The following ZNF66 variants were observed in gnomAD, a reference collection of about 807,000 sequenced individuals.
ZNF66 encodes putative zinc finger protein 66.
Under a neutral mutation model 35.2 loss-of-function variants are expected in ZNF66, and 32 were observed. The observed-to-expected ratio is 0.91, with a 90% CI of 0.69 to 1.22. The LOEUF (loss-of-function observed/expected upper bound fraction) is 1.22, where lower values mean the gene tolerates loss of function less well. ZNF66 is among the 50% of genes most tolerant of loss of function. The pLI, the probability that ZNF66 is intolerant of heterozygous loss-of-function variation, is 0.00. For synonymous variants in ZNF66, 231 were observed against 181.3 expected, an observed-to-expected ratio of 1.27 and a Z score of -2.20; for missense variants, 666 against 543.1, an observed-to-expected ratio of 1.23 and a Z score of -2.25.
chr19:20,779,667 A>G (rs2358604), intron 1 of ZNF66, among the ~76,000 whole-genome samples: 19,919 of 151,674 alleles, frequency 0.13, 1,544 homozygotes, highest in African/African-American at 0.2. Flanking sequence ...TGTCTCTACT[A>G]AAAATACAAA....
At chr19:20,781,380 C>G (rs1971243616) in intron 1 of ZNF66, among the ~76,000 whole-genome samples, 1 of 152,280 alleles carries the variant, frequency 6.6e-6, no homozygotes. Context: ...CCTCTGAGTT[C>G]TCCCACCCTC....
rs777875405 is a variant in ZNF66, at chr19:20,806,837, T to A, written c.1237T>A (p.Ser413Thr). 5.6e-5 allele frequency: 72 copies of A among 1,276,046 alleles called. No homozygotes were observed. The highest frequency in any genetic ancestry group is 1.2e-5 in the Non-Finnish European group (11 of 893,092). The allele number at this position is 1,276,046 out of a possible 1,614,324, so 79.0% of individuals were successfully genotyped here. A position where few individuals can be genotyped will look rare whatever the true frequency, so the allele number is the denominator to read the frequency against. ...GKVFKHSSPLSKHKRIHTGEK... is the reference protein window; with the variant it reads ...GKVFKHSSPLTKHKRIHTGEK... ...AGTGTTTAAGCACTCCTCTCCCCTT[T>A]CTAAACATAAGAGAATTCATACTGG... is the stretch of plus-strand genomic sequence containing the variant. Residue 413 changes from serine to threonine, a missense_variant, in exon 4 of 4, where the codon TCT (serine) becomes ACT (threonine). Ser to Thr is a moderately conservative substitution (Grantham distance 58). Transcript: ENST00000344519.
intron 1 of ZNF66, among the ~76,000 whole-genome samples, chr19:20,791,924 GTTCTTTT>G (rs1426150695): frequency 8.6e-5 from 13 of 151,940 alleles, no homozygotes; most frequent in African/African-American, 2.7e-4. Context: ...TCTGGCAGCT[GTTCTTTT>G]TTCTTTTTTT....
intron 1 of ZNF66, 111 bp from the exon 2 acceptor site, chr19:20,792,397 TAGTC>T: frequency 1.1e-6 from 1 of 918,954 alleles, no homozygotes. Context: ...AGGATAACTT[TAGTC>T]AGTCCTATAA....
At chr19:20,786,531 A>G (rs1971288649) in intron 1 of ZNF66, among the ~76,000 whole-genome samples, 1 of 152,204 alleles carries the variant, frequency 6.6e-6, no homozygotes, top group Admixed American at 6.5e-5. Flanking sequence ...CCAGCCATTC[A>G]GGCCATAAAT....
intron 3 of ZNF66, chr19:20,794,191 T>G (rs1408470173): frequency 5.5e-6 from 2 of 365,832 alleles, no homozygotes; most frequent in Non-Finnish European, 1.0e-5. Context: ...TTTTTCATTG[T>G]TTTGGGGACA....
intron 3 of ZNF66, among the ~76,000 whole-genome samples, chr19:20,805,130 A>T (rs568653500): frequency 0.042 from 5,483 of 130,534 alleles, 307 homozygotes; most frequent in African/African-American, 0.15. Context: ...TGTGTGTGAG[A>T]GAGAGAGAGA....
chr19:20,809,587 A>G lies in ZNF66; in HGVS notation c.*2265A>G, dbSNP rs1971567725. On this transcript the variant is annotated 3_prime_UTR_variant, in exon 4 of 4. Transcript: ENST00000344519. Reference sequence around the variant, plus strand: ...TTCATATCCAGCCAAACTAAGCTTCATAAGTGAAGGAGAAATAAAATACTT... The same window carrying G: ...TTCATATCCAGCCAAACTAAGCTTCGTAAGTGAAGGAGAAATAAAATACTT... Among the ~76,000 whole-genome samples, 1 of 151,974 alleles carries G rather than the reference A, an allele frequency of 6.6e-6. No individual in the cohort carries two copies. The highest frequency in any genetic ancestry group is 1.9e-4 in the East Asian group (1 of 5,168).
intron 1 of ZNF66, among the ~76,000 whole-genome samples, chr19:20,788,782 G>T (rs141435658): frequency 1.3e-5 from 2 of 152,024 alleles, no homozygotes; most frequent in Non-Finnish European, 2.9e-5. Context: ...GCTGGGCATG[G>T]TTGTTCATGC....
At chr19:20,799,305 G>T (rs974330585) in intron 3 of ZNF66, 3 of 151,744 alleles carry the variant, frequency 2.0e-5, no homozygotes, top group African/African-American at 7.3e-5. Flanking sequence ...CAGGTTATCT[G>T]CCCACCTCAA....
chr19:20,779,763 CAA>C (rs66794542), intron 1 of ZNF66, among the ~76,000 whole-genome samples: 195 of 136,472 alleles, frequency 1.4e-3, no homozygotes, highest in Admixed American at 2.4e-3. Flanking sequence ...CCCATCACTA[CAA>C]AAAAAAAAAA....
chr19:20,799,057 C>CTT (rs202208467), intron 3 of ZNF66: 9,130 of 117,216 alleles, frequency 0.078, 494 homozygotes, highest in Middle Eastern at 0.094. Flanking sequence ...CTTTCTTTTT[C>CTT]TTTCTTTCTT....
intron 1 of ZNF66, among the ~76,000 whole-genome samples, chr19:20,790,030 C>T (rs759154761): frequency 6.6e-6 from 1 of 151,588 alleles, no homozygotes; most frequent in Non-Finnish European, 1.5e-5. Context: ...GTAAATAATG[C>T]GCCAAGGGGG....
rs539867961 is a variant in ZNF66, at chr19:20,809,499, A to C, written c.*2177A>C. 1.9e-4 allele frequency among the ~76,000 whole-genome samples: 29 copies of C among 152,334 alleles called. No homozygotes were observed. The highest frequency in any genetic ancestry group is 6.7e-4 in the African/African-American group (28 of 41,570). ...CTGACCTCTTGGCAGAAACTCTATAAGCCAGAAGAGAGTGGGGGCCAATAT... is the reference window on the plus strand; with the variant it reads ...CTGACCTCTTGGCAGAAACTCTATACGCCAGAAGAGAGTGGGGGCCAATAT... On this transcript the variant is annotated 3_prime_UTR_variant, in exon 4 of 4. Coordinates refer to ENST00000344519, the MANE Select transcript of ZNF66 (RefSeq NM_001355197.2).
rs569066154 is a variant in ZNF66, at chr19:20,809,846, T to G, written c.*2524T>G. On this transcript the variant is annotated 3_prime_UTR_variant, in exon 4 of 4. Transcript: ENST00000344519. ...CACATAACAATATTAGCTTTAAATG[T>G]AAATGGGCTAAATGCTCCAATTAAA... Among the ~76,000 whole-genome samples, 202 of 152,210 alleles carry G rather than the reference T, an allele frequency of 1.3e-3. No individual in the cohort carries two copies. The highest frequency in any genetic ancestry group is 4.7e-3 in the African/African-American group (195 of 41,536).
chr19:20,792,126 G>A (rs1971343705), intron 1 of ZNF66, among the ~76,000 whole-genome samples: 1 of 151,272 alleles, frequency 6.6e-6, no homozygotes, highest in Non-Finnish European at 1.5e-5. Context: ...CAGATCTTCT[G>A]GAAAAAAACC....
intron 2 of ZNF66, among the ~76,000 whole-genome samples, chr19:20,793,327 C>CTTT (rs879637768): frequency 0.27 from 19,326 of 71,336 alleles, 3,807 homozygotes; most frequent in Non-Finnish European, 0.34. Flanking sequence ...CTTTTCTTTT[C>CTTT]TTTTCTTTTT....
At chr19:20,805,361 T>C (rs1971491532) in intron 3 of ZNF66, among the ~76,000 whole-genome samples, 1 of 152,138 alleles carries the variant, frequency 6.6e-6, no homozygotes, top group Non-Finnish European at 1.5e-5. Context: ...CCTGTCTAGT[T>C]TTTTGTGTTT....
chr19:20,792,472 A>G (rs1568496444), intron 1 of ZNF66, 40 bp from the exon 2 acceptor site: 5 of 1,466,526 alleles, frequency 3.4e-6, no homozygotes, highest in Non-Finnish European at 4.7e-6. Flanking sequence ...AATTCCGCCC[A>G]TAACCACTTG....
Sources: allele counts gnomAD v4.1 joint callset (sites outside exome capture counted in the v4.1 genomes callset), GRCh38; gene constraint gnomAD v4.1.1; transcripts MANE v1.5; gene names NCBI Gene and HGNC (gene_info 2026-07-23, HGNC 2026-07-21).